Variants in ITPK1 observed in about 807,000 individuals in gnomAD.
ITPK1 encodes inositol-tetrakisphosphate 1-kinase, also known as inositol 1,3,4-trisphosphate 5/6-kinase.
ITPK1 carries 21 observed loss-of-function variants against 45.3 expected under a neutral mutation model. The ratio of observed to expected loss-of-function variants is 0.46; its 90% CI spans 0.33 to 0.67. The LOEUF is 0.67. ITPK1 is among the 30% of genes least tolerant of loss of function. The pLI is 0.02. For synonymous variants in ITPK1, 258 were observed against 253.6 expected (o/e 1.02, Z -0.16); for missense variants, 474 against 573.5 (o/e 0.83, Z 1.77).
chr14:93,006,421 T>C (rs1887617549), intron 4 of ITPK1, among the ~76,000 whole-genome samples: 1 of 152,176 alleles, frequency 6.6e-6, no homozygotes, highest in African/African-American at 2.4e-5. Context: ...GGGGAAGGCA[T>C]TAAAAGGGGC....
Position 93,076,734 on chromosome 14 carries a change from C to A in ITPK1, c.96-115G>T. The A allele has an allele frequency of 1.6e-6, 2 of 1,222,166 alleles. No individual in the cohort carries two copies. Among genetic ancestry groups the A allele is most frequent in the Non-Finnish European group, 2.4e-6 (2 of 832,880 alleles). 75.7% of individuals were successfully genotyped at this position (1,222,166 alleles called of 1,614,324 possible). The stretch of plus-strand genomic sequence containing the variant: ...CCATGAGAGGGTTTCAGGAGGGAGC[C>A]GGCAGCTGCGCCTCTCCTGCTACTG... On this transcript the variant is annotated intron_variant, in intron 2 of 10. Coordinates refer to ENST00000267615, the MANE Select transcript of ITPK1 (RefSeq NM_014216.6). The surrounding 1 kb of genome is among the most constrained non-coding windows in gnomAD (Gnocchi z 4.3).
At chr14:93,106,447 G>A (rs973120618) in intron 2 of ITPK1, among the ~76,000 whole-genome samples, 3 of 152,192 alleles carry the variant, frequency 2.0e-5, no homozygotes, top group African/African-American at 7.2e-5. Flanking sequence ...CAGGGCTTAT[G>A]GCAGAGGCTT....
chr14:93,049,742 CAGA>C (rs1889926615), intron 3 of ITPK1, among the ~76,000 whole-genome samples: 1 of 112,602 alleles, frequency 8.9e-6, no homozygotes, highest in Admixed American at 1.4e-4. Flanking sequence ...GGTCACAGAA[CAGA>C]AGGACGGGGG....
chr14:93,005,459 AGTGAG>A (rs1887564589), intron 4 of ITPK1, among the ~76,000 whole-genome samples: 1 of 152,154 alleles, frequency 6.6e-6, no homozygotes, highest in African/African-American at 2.4e-5. Context: ...GGGCAAGCCA[AGTGAG>A]GCAGCATGAC....
chr14:93,003,522 G>A (rs1389384223), intron 4 of ITPK1, among the ~76,000 whole-genome samples: 1 of 152,242 alleles, frequency 6.6e-6, no homozygotes, highest in African/African-American at 2.4e-5. Flanking sequence ...GGCTGGCATA[G>A]GGTTGGAGTT....
At chr14:92,967,386 T>C (rs951304145) in intron 5 of ITPK1, among the ~76,000 whole-genome samples, 4 of 152,168 alleles carry the variant, frequency 2.6e-5, no homozygotes, top group Non-Finnish European at 5.9e-5. Context: ...CCTACCAGGA[T>C]GACTATAATA....
At chr14:92,990,949 GCT>G (rs1022036289) in intron 5 of ITPK1, among the ~76,000 whole-genome samples, 7 of 152,084 alleles carry the variant, frequency 4.6e-5, no homozygotes, top group African/African-American at 7.2e-5. Context: ...TCCCCCACCA[GCT>G]CTGTTTTCCC....
intron 3 of ITPK1, among the ~76,000 whole-genome samples, chr14:93,055,142 A>C (rs1370168514): frequency 4.2e-4 from 64 of 152,048 alleles, no homozygotes; most frequent in Non-Finnish European, 5.9e-5. Context: ...GTTCATTCTC[A>C]CTGCTGTATT....
intron 4 of ITPK1, among the ~76,000 whole-genome samples, chr14:93,004,461 A>G (rs1484650339): frequency 6.6e-6 from 1 of 152,110 alleles, no homozygotes; most frequent in Non-Finnish European, 1.5e-5. Context: ...CCCACGTCTG[A>G]GCACTCAGCC....
At chr14:92,976,723 T>C (rs1473702677) in intron 5 of ITPK1, among the ~76,000 whole-genome samples, 2 of 152,250 alleles carry the variant, frequency 1.3e-5, no homozygotes, top group African/African-American at 2.4e-5. Context: ...CACGGATCAC[T>C]ATCACCACTC....
intron 3 of ITPK1, among the ~76,000 whole-genome samples, chr14:93,040,380 G>A (rs1889507467): frequency 6.6e-6 from 1 of 152,158 alleles, no homozygotes; most frequent in East Asian, 1.9e-4. Flanking sequence ...GTAGGGAGGG[G>A]AGATAGTGGA....
chr14:92,963,325 G>A (rs547705762), intron 5 of ITPK1, among the ~76,000 whole-genome samples: 65 of 152,318 alleles, frequency 4.3e-4, no homozygotes, highest in Non-Finnish European at 6.6e-4. Context: ...CTTAGCATGC[G>A]TCTGGCGCTG....
chr14:92,940,602 G>C lies in ITPK1; in HGVS notation c.*959C>G. 1 of 1,196,972 alleles carries C rather than the reference G, an allele frequency of 8.4e-7. No individual in the cohort carries two copies. The highest frequency in any genetic ancestry group is 1.1e-6 in the Non-Finnish European group (1 of 944,864). 74.1% of individuals were successfully genotyped at this position (1,196,972 alleles called of 1,614,324 possible). On this transcript the variant is annotated 3_prime_UTR_variant, in exon 11 of 11. Transcript: ENST00000267615. ...CCGATCTCCATGGTGTCATGCCGAG[G>C]CTCCCGCGCCTATCCTCACCTAGGT... is the stretch of plus-strand genomic sequence containing the variant.
chr14:93,093,210 A>G (rs1032463755), intron 2 of ITPK1, among the ~76,000 whole-genome samples: 19 of 152,076 alleles, frequency 1.2e-4, no homozygotes, highest in African/African-American at 3.9e-4. Flanking sequence ...CCACACCTAC[A>G]TGGACACGGC....
chr14:92,941,360 C>T lies in ITPK1; in HGVS notation c.*201G>A. ...AGAGCAGGCGGACGGCCCCACTCCC[C>T]AACGGTGGACCACCTGGTACTCTCT... On this transcript the variant is annotated 3_prime_UTR_variant, in exon 11 of 11. Coordinates refer to ENST00000267615, the MANE Select transcript of ITPK1 (RefSeq NM_014216.6). 1 of 1,413,582 alleles carries T rather than the reference C, an allele frequency of 7.1e-7. No individual in the cohort carries two copies. The highest frequency in any genetic ancestry group is 9.2e-7 in the Non-Finnish European group (1 of 1,091,512). 87.6% of individuals were successfully genotyped at this position (1,413,582 alleles called of 1,614,324 possible). A position where few individuals can be genotyped will look rare whatever the true frequency, so the allele number is the denominator to read the frequency against.
chr14:92,986,933 A>G (rs1022285707), intron 5 of ITPK1, among the ~76,000 whole-genome samples: 2 of 152,150 alleles, frequency 1.3e-5, no homozygotes, highest in Non-Finnish European at 2.9e-5. Flanking sequence ...GTCTGTTCTC[A>G]TGGGGGTCAC....
intron 9 of ITPK1, among the ~76,000 whole-genome samples, chr14:92,948,783 C>T (rs1426564565): frequency 1.4e-5 from 2 of 140,842 alleles, no homozygotes; most frequent in African/African-American, 2.8e-5. Context: ...TGAGCAGGGA[C>T]CCACGCCCGG....
At chr14:93,103,794 C>T (rs1892416807) in intron 2 of ITPK1, among the ~76,000 whole-genome samples, 1 of 152,178 alleles carries the variant, frequency 6.6e-6, no homozygotes, top group Non-Finnish European at 1.5e-5. Flanking sequence ...CTCCGCAGCC[C>T]AGCCCTTGAC....
chr14:93,002,699 C>T (rs1302421647), intron 4 of ITPK1, among the ~76,000 whole-genome samples: 1 of 152,194 alleles, frequency 6.6e-6, no homozygotes, highest in African/African-American at 2.4e-5. Context: ...TTGCGATTTC[C>T]TTTCCCAGAG....
Sources: allele counts gnomAD v4.1 joint callset (sites outside exome capture counted in the v4.1 genomes callset), GRCh38; gene constraint gnomAD v4.1.1; non-coding constraint Gnocchi (gnomAD v3.1); transcripts MANE v1.5; gene names NCBI Gene and HGNC (gene_info 2026-07-23, HGNC 2026-07-21).